The following DOCK5 variants were observed in gnomAD, a reference collection of about 807,000 sequenced individuals.
DOCK5 encodes the protein dedicator of cytokinesis protein 5.
A neutral mutation model predicts 251.8 loss-of-function variants in DOCK5; 142 were observed. The ratio of observed to expected loss-of-function variants is 0.56; its 90% CI spans 0.49 to 0.65. The LOEUF (loss-of-function observed/expected upper bound fraction) is 0.65, where lower values mean the gene tolerates loss of function less well. Ranked by LOEUF, DOCK5 falls within the 30% of genes least tolerant of loss-of-function variation. The pLI is 0.00. For synonymous variants in DOCK5, 842 were observed against 835.5 expected, an observed-to-expected ratio of 1.01 and a Z score of -0.13; for missense variants, 2,111 against 2,312.3, an observed-to-expected ratio of 0.91 and a Z score of 1.79.
chr8:25,251,937 T>C (rs932142326), intron 2 of DOCK5, among the ~76,000 whole-genome samples: 2 of 150,026 alleles, frequency 1.3e-5, no homozygotes. Context: ...TGCAGTGAGC[T>C]GAGATCACGC....
chr8:25,193,105 A>G (rs2941602), intron 1 of DOCK5, among the ~76,000 whole-genome samples: 111,366 of 152,058 alleles, frequency 0.73, 42,107 homozygotes, highest in Non-Finnish European at 0.81. Context: ...ATTCATGGTA[A>G]TTATGTTCTA....
intron 19 of DOCK5, 75 bp from the exon 20 acceptor site, chr8:25,332,528 A>G (rs895563277): frequency 5.3e-6 from 7 of 1,322,800 alleles, no homozygotes; most frequent in Non-Finnish European, 7.3e-6. Flanking sequence ...GATTTAAACT[A>G]GTTGTACCCA....
intron 2 of DOCK5, among the ~76,000 whole-genome samples, chr8:25,247,026 A>G (rs1803135004): frequency 6.6e-6 from 1 of 151,842 alleles, no homozygotes; most frequent in Non-Finnish European, 1.5e-5. Context: ...AGCTGGGATT[A>G]TAGGCATGTG....
intron 5 of DOCK5, among the ~76,000 whole-genome samples, chr8:25,287,205 T>C (rs922048809): frequency 2.0e-5 from 3 of 152,160 alleles, no homozygotes; most frequent in African/African-American, 4.8e-5. Context: ...GGTGGGAGGA[T>C]CACCTAAGGT....
At chr8:25,287,869 G>A (rs1335805196) in intron 5 of DOCK5, among the ~76,000 whole-genome samples, 1 of 151,784 alleles carries the variant, frequency 6.6e-6, no homozygotes, top group East Asian at 1.9e-4. Context: ...GAGCCTCAGA[G>A]GAGCTTAGCA....
At chr8:25,188,967 A>G (rs1801503700) in intron 1 of DOCK5, among the ~76,000 whole-genome samples, 1 of 151,610 alleles carries the variant, frequency 6.6e-6, no homozygotes, top group Admixed American at 6.6e-5. Context: ...ACAAGCCATT[A>G]TGTAAAGAAT....
chr8:25,298,868 A>G, intron 7 of DOCK5, 76 bp from the exon 8 acceptor site: 1 of 1,428,614 alleles, frequency 7.0e-7, no homozygotes, highest in Non-Finnish European at 9.4e-7. Flanking sequence ...AGGCTTATTT[A>G]TTTATTTATT....
intron 48 of DOCK5, among the ~76,000 whole-genome samples, chr8:25,404,457 C>T (rs917193273): frequency 2.6e-5 from 4 of 152,078 alleles, no homozygotes; most frequent in Non-Finnish European, 5.9e-5. Context: ...TGGATATTTG[C>T]GTTATACCTG....
intron 1 of DOCK5, among the ~76,000 whole-genome samples, chr8:25,216,057 A>G (rs577852785): frequency 2.6e-5 from 4 of 151,950 alleles, no homozygotes; most frequent in South Asian, 2.1e-4. Context: ...GTATATATGT[A>G]TACAATATGT....
At chr8:25,390,352 A>C in intron 42 of DOCK5, 65 bp downstream of exon 42, 2 of 1,387,170 alleles carry the variant, frequency 1.4e-6, no homozygotes, top group Non-Finnish European at 1.9e-6. Flanking sequence ...CACATCTATA[A>C]TCTCAACATT....
intron 1 of DOCK5, among the ~76,000 whole-genome samples, chr8:25,211,882 C>T (rs1341892099): frequency 1.4e-5 from 1 of 69,744 alleles, no homozygotes; most frequent in African/African-American, 3.3e-5. Context: ...CAGCTTCCGC[C>T]GGGCACGGTG....
intron 30 of DOCK5, among the ~76,000 whole-genome samples, chr8:25,365,869 T>C (rs1465306891): frequency 6.6e-6 from 1 of 152,156 alleles, no homozygotes; most frequent in Non-Finnish European, 1.5e-5. Flanking sequence ...AAATCATAAG[T>C]AGAGGAAAGT....
At chr8:25,246,656 T>G (rs187811699) in intron 2 of DOCK5, among the ~76,000 whole-genome samples, 1 of 151,616 alleles carries the variant, frequency 6.6e-6, no homozygotes, top group African/African-American at 2.4e-5. Context: ...TTTTAGGTTT[T>G]GGTCTCTTTC....
intron 16 of DOCK5, among the ~76,000 whole-genome samples, chr8:25,322,238 C>T (rs905478943): frequency 6.6e-6 from 1 of 152,006 alleles, no homozygotes; most frequent in African/African-American, 2.4e-5. Flanking sequence ...GGAAGATGAA[C>T]GAAAAAGTGG....
At chr8:25,372,043 A>G (rs1181469557) in intron 34 of DOCK5, among the ~76,000 whole-genome samples, 1 of 152,208 alleles carries the variant, frequency 6.6e-6, no homozygotes, top group African/African-American at 2.4e-5. Flanking sequence ...AAAGAGCCGC[A>G]TTGCAGGAGA....
At chr8:25,254,209 G>C (rs1452976149) in intron 2 of DOCK5, among the ~76,000 whole-genome samples, 1 of 152,114 alleles carries the variant, frequency 6.6e-6, no homozygotes, top group Non-Finnish European at 1.5e-5. Context: ...TTTAGACACA[G>C]ACCTTTCACC....
At chr8:25,331,056 A>C (rs1174448687) in intron 18 of DOCK5, among the ~76,000 whole-genome samples, 2 of 152,078 alleles carry the variant, frequency 1.3e-5, no homozygotes, top group African/African-American at 4.8e-5. Flanking sequence ...GCACCACTGC[A>C]TGAGATTGCA....
At chr8:25,409,337 A>G (rs924732020) in intron 50 of DOCK5, 1 of 209,628 alleles carries the variant, frequency 4.8e-6, no homozygotes, top group Admixed American at 5.1e-5. Context: ...ACACTTGAGA[A>G]GAATTGCAAA....
chr8:25,305,483 A>G (rs1804893751), intron 11 of DOCK5, among the ~76,000 whole-genome samples: 1 of 152,142 alleles, frequency 6.6e-6, no homozygotes. Context: ...AGGCCGTTTT[A>G]AAGATTCAGC....
Sources: allele counts gnomAD v4.1 joint callset (sites outside exome capture counted in the v4.1 genomes callset), GRCh38; gene constraint gnomAD v4.1.1; transcripts MANE v1.5; gene names NCBI Gene and HGNC (gene_info 2026-07-23, HGNC 2026-07-21).